The following ERC1 variants were observed in gnomAD, a reference collection of about 807,000 sequenced individuals.
The protein encoded by ERC1 is ELKS/RAB6-interacting/CAST family member 1.
ERC1 carries 56 observed loss-of-function variants against 132.0 expected under a neutral mutation model. The ratio of observed to expected loss-of-function variants is 0.42; its 90% CI spans 0.34 to 0.53. The LOEUF (loss-of-function observed/expected upper bound fraction) is 0.53, where lower values mean the gene tolerates loss of function less well. ERC1 is among the 20% of genes least tolerant of loss of function. The pLI is 0.03. For synonymous variants in ERC1, 478 were observed against 476.1 expected (o/e 1.00, Z -0.05); for missense variants, 1,202 against 1,349.9 (o/e 0.89, Z 1.72).
rs566129996 is a variant in ERC1, at chr12:1,367,676, A to G, written c.2781-4157A>G. ...TTTCTGAAATTTGCCCAGATGGGGG[A>G]AGGGGATAGAGGGGGTGGTCTTACT... On this transcript the variant is annotated intron_variant, in intron 15 of 18. Transcript: ENST00000360905. Among the ~76,000 whole-genome samples, 8 of 151,976 alleles carry G rather than the reference A, an allele frequency of 5.3e-5. No individual in the cohort carries two copies. The South Asian group carries it at 8.3e-4, about 16-fold the overall frequency.
chr12:1,424,844 T>TGATA (rs370289067), intron 17 of ERC1, among the ~76,000 whole-genome samples: 91 of 75,680 alleles, frequency 1.2e-3, no homozygotes, highest in African/African-American at 4.1e-3. Context: ...GATAGATAGA[T>TGATA]GATAGATAGA....
In ERC1 at chr12:1,006,971, T is replaced by A. The variant is rs1184010844; in HGVS notation, c.-157+15649T>A. Among the ~76,000 whole-genome samples, 4 of 150,156 alleles carry A rather than the reference T, an allele frequency of 2.7e-5. No homozygotes were observed. The Admixed American group carries it at 2.7e-4, about 10-fold the overall frequency. On this transcript the variant is annotated intron_variant, in intron 1 of 18. Coordinates refer to ENST00000360905, the MANE Select transcript of ERC1 (RefSeq NM_178040.4). ...TATAGTATATATAATATAGTATATA[T>A]ATGGTGTATAGTATATAGTGTATAT...
chr12:1,144,632 A>ATT (rs1275072380), intron 8 of ERC1, among the ~76,000 whole-genome samples: 1 of 149,560 alleles, frequency 6.7e-6, no homozygotes. Context: ...ATATATATAT[A>ATT]TACGTGTATA....
chr12:1,400,920 T>TATTATTATTA (rs1566775090), intron 16 of ERC1, among the ~76,000 whole-genome samples: 3 of 47,894 alleles, frequency 6.3e-5, no homozygotes, highest in African/African-American at 4.5e-4. Flanking sequence ...TTTTGTATTT[T>TATTATTATTA]TTTTTTTTTT....
chr12:1,155,633 C>G (rs191842684), intron 8 of ERC1, among the ~76,000 whole-genome samples: 4 of 152,004 alleles, frequency 2.6e-5, no homozygotes, highest in Non-Finnish European at 4.4e-5. Context: ...CGTGCCACCA[C>G]GCCCGGCTAA....
chr12:1,424,252 G>GA (rs1000372747), intron 17 of ERC1, among the ~76,000 whole-genome samples: 23 of 152,068 alleles, frequency 1.5e-4, no homozygotes, highest in Non-Finnish European at 8.8e-5. Flanking sequence ...AATCTTTAGA[G>GA]AAAAAACTAA....
In ERC1 at chr12:1,424,820, TAGATAGATA is replaced by T. The variant is rs1180301249; in HGVS notation, c.3024+16574_3024+16582del. On this transcript the variant is annotated intron_variant, in intron 17 of 18. Coordinates refer to ENST00000360905, the MANE Select transcript of ERC1 (RefSeq NM_178040.4). ...ATAGATAGATAGATAGATAGATAGA[TAGATAGATA>T]GATAGATAGATAGATGATAGATAGA... 2.0e-4 allele frequency among the ~76,000 whole-genome samples: 28 copies of T among 138,970 alleles called. No homozygotes were observed. The East Asian group carries it at 4.9e-3, about 25-fold the overall frequency. The allele number at this position is 138,970 out of a possible 152,430, so 91.2% of individuals were successfully genotyped here.
chr12:1,208,957 ATTTTTTTTTTTTTTT>A (rs538961813), intron 12 of ERC1, among the ~76,000 whole-genome samples: 1 of 71,610 alleles, frequency 1.4e-5, no homozygotes, highest in African/African-American at 6.3e-5. Flanking sequence ...CGCCCAGCTG[ATTTTTTTTTTTTTTT>A]TTTTTTTTTT....
chr12:1,064,261 C>A (rs1273990868), intron 2 of ERC1, among the ~76,000 whole-genome samples: 1 of 151,244 alleles, frequency 6.6e-6, no homozygotes. Flanking sequence ...GTTTCCCAGG[C>A]TGGATTGCAG....
chr12:1,175,638 A>AT (rs1318962745), intron 8 of ERC1, among the ~76,000 whole-genome samples: 3 of 150,672 alleles, frequency 2.0e-5, no homozygotes, highest in African/African-American at 7.3e-5. Flanking sequence ...GGTTCAAGTG[A>AT]TTCTTCTGCC....
chr12:1,148,892 A>C (rs903393793), intron 8 of ERC1, among the ~76,000 whole-genome samples: 1 of 152,058 alleles, frequency 6.6e-6, no homozygotes, highest in Non-Finnish European at 1.5e-5. Context: ...ATGAGCCACC[A>C]AGTTTGGCCT....
At chr12:1,091,366 C>G (rs1244819316) in intron 3 of ERC1, among the ~76,000 whole-genome samples, 1 of 152,202 alleles carries the variant, frequency 6.6e-6, no homozygotes, top group East Asian at 1.9e-4. Flanking sequence ...CAGTGGAGAT[C>G]TGAAGAGAAG....
At position 1,080,270 on chromosome 12, in the gene ERC1, A is replaced by G. The variant is rs576960539; in HGVS notation, c.670-2894A>G. ...ACTGAAACTGTATACCCATTAAACAATAACTCCTCGTTCTGTCCCACTCCT... is the reference window on the plus strand; with the variant it reads ...ACTGAAACTGTATACCCATTAAACAGTAACTCCTCGTTCTGTCCCACTCCT... On this transcript the variant is annotated intron_variant, in intron 2 of 18. Transcript: ENST00000360905. 1.7e-4 allele frequency among the ~76,000 whole-genome samples: 26 copies of G among 152,342 alleles called. 1 individual carries two copies. In the South Asian group the frequency reaches 5.4e-3, roughly 32 times the overall value.
intron 13 of ERC1, among the ~76,000 whole-genome samples, chr12:1,242,904 G>A (rs1051231950): frequency 1.3e-5 from 2 of 152,154 alleles, no homozygotes; most frequent in Admixed American, 6.5e-5. Flanking sequence ...AGAAGAAATC[G>A]AGGCCGGGCG....
chr12:1,246,031 A>G (rs2076137882), intron 13 of ERC1, among the ~76,000 whole-genome samples: 1 of 152,078 alleles, frequency 6.6e-6, no homozygotes, highest in South Asian at 2.1e-4. Context: ...TTGGCCTCCC[A>G]GGGTGCTGGG....
intron 17 of ERC1, among the ~76,000 whole-genome samples, chr12:1,433,076 C>T (rs1413309113): frequency 2.6e-5 from 4 of 152,178 alleles, no homozygotes; most frequent in Non-Finnish European, 4.4e-5. Flanking sequence ...CAGTGTAGTA[C>T]TGTAAGGTGC....
chr12:1,486,352 AT>A (rs961330824), intron 18 of ERC1, among the ~76,000 whole-genome samples: 1 of 150,994 alleles, frequency 6.6e-6, no homozygotes, highest in South Asian at 2.1e-4. Context: ...ATTCTAGGTG[AT>A]TTTTTTCTTG....
intron 15 of ERC1, among the ~76,000 whole-genome samples, chr12:1,313,770 A>G (rs926946668): frequency 2.0e-5 from 3 of 151,992 alleles, no homozygotes; most frequent in East Asian, 1.9e-4. Context: ...GGATCCCCTG[A>G]GGTCGGGAGT....
At position 1,493,545 on chromosome 12, in the gene ERC1, A is replaced by ATT. The variant is rs60655754; in HGVS notation, c.*3315_*3316insTT. ...GAGACTCCATTTAAAAAAAAAAAAA[A>ATT]AAAATATATATATATATATATATAT... On this transcript the variant is annotated 3_prime_UTR_variant, in exon 19 of 19. Transcript: ENST00000360905. 1 of 73,616 alleles carries ATT rather than the reference A, an allele frequency of 1.4e-5. No homozygotes were observed. Among genetic ancestry groups the ATT allele is most frequent in the Non-Finnish European group, 2.6e-5 (1 of 38,134 alleles). The allele number at this position is 73,616 out of a possible 1,614,324, so 4.6% of individuals were successfully genotyped here. A position where few individuals can be genotyped will look rare whatever the true frequency, so the allele number is the denominator to read the frequency against.
Sources: allele counts gnomAD v4.1 joint callset (sites outside exome capture counted in the v4.1 genomes callset), GRCh38; gene constraint gnomAD v4.1.1; transcripts MANE v1.5; gene names NCBI Gene and HGNC (gene_info 2026-07-23, HGNC 2026-07-21).